The following SP4 variants were observed in gnomAD, a reference collection of about 807,000 sequenced individuals.
The protein encoded by SP4 is Sp4 transcription factor.
A neutral mutation model predicts 72.8 loss-of-function variants in SP4; 19 were observed. That is an observed-to-expected ratio of 0.26 (90% confidence interval 0.18 to 0.38). The LOEUF (loss-of-function observed/expected upper bound fraction) is 0.38, where lower values mean the gene tolerates loss of function less well. SP4 is among the 10% of genes least tolerant of loss of function. The pLI is 1.00. For synonymous variants in SP4, 395 were observed against 333.1 expected (o/e 1.19, Z -2.02); for missense variants, 1,008 against 926.3 (o/e 1.09, Z -1.14).
intron 3 of SP4, among the ~76,000 whole-genome samples, chr7:21,431,984 G>T (rs1475033454): frequency 6.6e-6 from 1 of 152,180 alleles, no homozygotes; most frequent in Non-Finnish European, 1.5e-5. Context: ...TGATTCAGGA[G>T]AACCGAGATT....
At chr7:21,499,752 A>C (rs750445995) in intron 5 of SP4, among the ~76,000 whole-genome samples, 1 of 152,222 alleles carries the variant, frequency 6.6e-6, no homozygotes, top group Non-Finnish European at 1.5e-5. Flanking sequence ...ATTTATAAAT[A>C]TGGAGGTATA....
At chr7:21,483,787 C>A (rs1320940340) in intron 5 of SP4, among the ~76,000 whole-genome samples, 1 of 151,400 alleles carries the variant, frequency 6.6e-6, no homozygotes, top group African/African-American at 2.4e-5. Context: ...TTCCTTCTTT[C>A]TTTATTTTTT....
At chr7:21,458,463 C>T (rs781574775) in intron 3 of SP4, among the ~76,000 whole-genome samples, 19 of 152,174 alleles carry the variant, frequency 1.2e-4, no homozygotes, top group East Asian at 7.7e-4. Flanking sequence ...GGAGTACAGC[C>T]GTGAGCCACT....
At chr7:21,478,961 G>A (rs190265770) in intron 4 of SP4, among the ~76,000 whole-genome samples, 4 of 152,006 alleles carry the variant, frequency 2.6e-5, no homozygotes, top group African/African-American at 7.2e-5. Context: ...CCAGCAACTC[G>A]GGAGGCTGAG....
intron 5 of SP4, among the ~76,000 whole-genome samples, chr7:21,486,909 G>T (rs192731031): frequency 6.6e-6 from 1 of 152,202 alleles, no homozygotes; most frequent in Non-Finnish European, 1.5e-5. Flanking sequence ...GGAGTTTGGG[G>T]GGCTTTTTTA....
Position 21,503,030 on chromosome 7 carries a change from A to T in SP4, c.2108-7992A>T, listed in dbSNP as rs142178204. On this transcript the variant is annotated intron_variant, in intron 5 of 5. Coordinates refer to ENST00000222584, the MANE Select transcript of SP4 (RefSeq NM_003112.5). The stretch of plus-strand genomic sequence containing the variant: ...CCCTTGACTCGAGTATAGTGAGTCC[A>T]CCTCATGCAGCTGTTCGCATGGCTG... 1.1e-3 allele frequency among the ~76,000 whole-genome samples: 166 copies of T among 150,462 alleles called. 2 individuals carry two copies. Among genetic ancestry groups the T allele is most frequent in the African/African-American group, 3.9e-3 (158 of 40,892 alleles).
At chr7:21,442,800 A>G (rs2128395216) in intron 3 of SP4, among the ~76,000 whole-genome samples, 1 of 152,314 alleles carries the variant, frequency 6.6e-6, no homozygotes, top group East Asian at 1.9e-4. Flanking sequence ...CAGTGGCACG[A>G]TCTTGGCTCA....
At chr7:21,437,065 T>A (rs1389170815) in intron 3 of SP4, among the ~76,000 whole-genome samples, 1 of 152,204 alleles carries the variant, frequency 6.6e-6, no homozygotes, top group African/African-American at 2.4e-5. Flanking sequence ...CAGATTCAGT[T>A]TCAGGCTAGT....
intron 3 of SP4, among the ~76,000 whole-genome samples, chr7:21,468,425 A>T (rs1410768375): frequency 6.6e-6 from 1 of 151,980 alleles, no homozygotes; most frequent in African/African-American, 2.4e-5. Flanking sequence ...GTCTTGTTTT[A>T]TATCCTTTAT....
intron 3 of SP4, among the ~76,000 whole-genome samples, chr7:21,466,350 T>C (rs1043510413): frequency 9.2e-5 from 14 of 152,176 alleles, no homozygotes; most frequent in Non-Finnish European, 1.8e-4. Flanking sequence ...CTTAATACAT[T>C]TGCAGTTTGT....
chr7:21,441,947 C>G (rs2128394787), intron 3 of SP4, among the ~76,000 whole-genome samples: 1 of 151,682 alleles, frequency 6.6e-6, no homozygotes, highest in South Asian at 2.1e-4. Context: ...CTGTACTTCT[C>G]TGCTTCTAGG....
chr7:21,478,888 G>A (rs1784594711), intron 4 of SP4, among the ~76,000 whole-genome samples: 1 of 152,010 alleles, frequency 6.6e-6, no homozygotes, highest in African/African-American at 2.4e-5. Context: ...TGACCGGCAT[G>A]GAGAAACCTT....
chr7:21,499,953 C>T (rs975186091), intron 5 of SP4, among the ~76,000 whole-genome samples: 1 of 152,166 alleles, frequency 6.6e-6, no homozygotes, highest in Non-Finnish European at 1.5e-5. Flanking sequence ...TCCACTCATC[C>T]ATTCCAATCT....
intron 3 of SP4, among the ~76,000 whole-genome samples, chr7:21,449,286 A>C (rs1364517137): frequency 6.6e-6 from 1 of 152,186 alleles, no homozygotes; most frequent in East Asian, 1.9e-4. Flanking sequence ...TTTGTCTCCT[A>C]ACTGACCCGT....
rs373558369 is a variant in SP4 at position 21,430,437 on chromosome 7, G to T, written c.1272G>T (p.Ser424=). ...TCATTCAGGCTATTCCACCACAGTC[G>T]TTTCAACTCCAGTCAGGGCAGACGA... ...QQIIQAIPPQ[S]FQLQSGQTIQ... Residue 424 remains serine, a synonymous_variant, in exon 3 of 6, where the codon TCG becomes TCT. Coordinates refer to ENST00000222584, the MANE Select transcript of SP4 (RefSeq NM_003112.5). 5.6e-6 allele frequency: 9 copies of T among 1,614,024 alleles called. No individual in the cohort carries two copies. The highest frequency in any genetic ancestry group is 1.1e-5 in the South Asian group (1 of 91,084).
intron 3 of SP4, chr7:21,471,073 G>C (rs535200691): frequency 3.7e-6 from 2 of 534,612 alleles, no homozygotes; most frequent in Admixed American, 1.9e-5. Context: ...TCAAATGCTC[G>C]GAGACACAGA....
rs149088560 is a variant in SP4 at position 21,457,554 on chromosome 7, A to C, written c.1679-19525A>C. Among the ~76,000 whole-genome samples the C allele has an allele frequency of 5.9e-5, 9 of 152,342 alleles. No homozygotes were observed. In the East Asian group the frequency reaches 1.5e-3, roughly 26 times the overall value. ...GTTTTTACTATATCTAGAAATAAGA[A>C]CAATTGCATGTTCCTTTCCTTTTCA... On this transcript the variant is annotated intron_variant, in intron 3 of 5. Coordinates refer to ENST00000222584, the MANE Select transcript of SP4 (RefSeq NM_003112.5).
chr7:21,505,817 G>A (rs1301137949), intron 5 of SP4, among the ~76,000 whole-genome samples: 2 of 152,138 alleles, frequency 1.3e-5, no homozygotes, highest in South Asian at 2.1e-4. Context: ...ATTGTCCATC[G>A]TTAATCAATC....
intron 3 of SP4, among the ~76,000 whole-genome samples, chr7:21,471,654 T>C (rs1341285233): frequency 6.6e-6 from 1 of 151,984 alleles, no homozygotes; most frequent in Admixed American, 6.5e-5. Context: ...GGCAACATAG[T>C]GAGACATAAT....
Sources: allele counts gnomAD v4.1 joint callset (sites outside exome capture counted in the v4.1 genomes callset), GRCh38; gene constraint gnomAD v4.1.1; transcripts MANE v1.5; gene names NCBI Gene and HGNC (gene_info 2026-07-23, HGNC 2026-07-21).